The following DNAH6 variants were observed in gnomAD, a reference collection of about 807,000 sequenced individuals.
DNAH6 encodes the protein dynein axonemal heavy chain 6, also known as axonemal beta dynein heavy chain 6.
A neutral mutation model predicts 491.4 loss-of-function variants in DNAH6; 340 were observed. That is an observed-to-expected ratio of 0.69 (90% CI 0.63 to 0.76). DNAH6 has a LOEUF of 0.76. DNAH6 is among the 30% of genes least tolerant of loss of function. The pLI, the probability that DNAH6 is intolerant of heterozygous loss-of-function variation, is 0.00. For synonymous variants in DNAH6, 1,603 were observed against 1,686.1 expected (o/e 0.95, Z 1.21); for missense variants, 4,443 against 4,972.2 (o/e 0.89, Z 3.20).
At chr2:84,808,856 T>G (rs775912755) in intron 72 of DNAH6, among the ~76,000 whole-genome samples, 27 of 152,226 alleles carry the variant, frequency 1.8e-4, no homozygotes, top group African/African-American at 6.3e-4. Flanking sequence ...ATTCAGTGTT[T>G]GTTCCTAATG....
intron 9 of DNAH6, among the ~76,000 whole-genome samples, chr2:84,551,884 C>G (rs550374878): frequency 1.8e-4 from 27 of 152,080 alleles, no homozygotes; most frequent in Admixed American, 1.6e-3. Flanking sequence ...GCCATCTCTA[C>G]CAAAAATACA....
the DNAH6 span, among the ~76,000 whole-genome samples, chr2:84,503,997 T>G: frequency 1.3e-5 from 2 of 152,150 alleles, no homozygotes; most frequent in Admixed American, 6.5e-5. Flanking sequence ...TTTCTACCCA[T>G]ATCTCTTTCT....
intron 4 of DNAH6, among the ~76,000 whole-genome samples, chr2:84,533,637 CA>C (rs1336490359): frequency 1.3e-5 from 2 of 151,998 alleles, no homozygotes; most frequent in Non-Finnish European, 2.9e-5. Context: ...CATATCTATC[CA>C]AAAATCATAT....
rs374264044 is a variant in DNAH6 at position 84,772,725 on chromosome 2, G to C, written c.10704-8768G>C. On this transcript the variant is annotated intron_variant, in intron 64 of 76. Coordinates refer to ENST00000389394, the MANE Select transcript of DNAH6 (RefSeq NM_001370.2). ...AATTTCAATGTCCCATCTTTAATAA[G>C]GGATAGAACAATTACGAAAAATAAA... Among the ~76,000 whole-genome samples the C allele has an allele frequency of 2.6e-5, 4 of 151,998 alleles. No individual in the cohort carries two copies. The East Asian group carries it at 7.7e-4, about 29-fold the overall frequency.
intron 70 of DNAH6, among the ~76,000 whole-genome samples, chr2:84,801,336 C>A (rs1678893578): frequency 6.6e-6 from 1 of 151,208 alleles, no homozygotes; most frequent in Non-Finnish European, 1.5e-5. Context: ...GAATATTTCC[C>A]CAATCTCACT....
chr2:84,600,321 A>G (rs1318231821), intron 18 of DNAH6, among the ~76,000 whole-genome samples: 1 of 152,190 alleles, frequency 6.6e-6, no homozygotes, highest in Admixed American at 6.5e-5. Context: ...TTTTATTAAC[A>G]TATTACATTA....
chr2:84,594,181 T>G (rs767390146), intron 17 of DNAH6, 96 bp downstream of exon 17: 26 of 721,360 alleles, frequency 3.6e-5, no homozygotes, highest in Non-Finnish European at 5.7e-5. Flanking sequence ...AATCTGGTGC[T>G]TTTCTTAATG....
chr2:84,664,361 G>A (rs568871050), intron 37 of DNAH6, among the ~76,000 whole-genome samples: 11 of 152,196 alleles, frequency 7.2e-5, no homozygotes, highest in East Asian at 1.9e-4. Flanking sequence ...CCCATCTCAC[G>A]TGCAAAGACA....
chr2:84,773,209 C>A (rs1451279116), intron 64 of DNAH6, among the ~76,000 whole-genome samples: 1 of 151,970 alleles, frequency 6.6e-6, no homozygotes. Flanking sequence ...AGTTTTTCAA[C>A]CCTCTCTTCC....
chr2:84,615,593 G>A (rs182908672), intron 22 of DNAH6, among the ~76,000 whole-genome samples: 32 of 152,100 alleles, frequency 2.1e-4, no homozygotes, highest in Admixed American at 5.9e-4. Flanking sequence ...TTATTTTTAT[G>A]ACAATTGCAT....
intron 15 of DNAH6, among the ~76,000 whole-genome samples, chr2:84,588,352 C>T (rs2104094566): frequency 6.6e-6 from 1 of 152,230 alleles, no homozygotes; most frequent in East Asian, 1.9e-4. Context: ...CATTCCCATT[C>T]ACTGGGGTTT....
chr2:84,751,891 T>C (rs972290168), intron 63 of DNAH6, among the ~76,000 whole-genome samples: 5 of 152,254 alleles, frequency 3.3e-5, no homozygotes, highest in African/African-American at 1.2e-4. Context: ...ATGCTAATGC[T>C]GCGGATTTTG....
chr2:84,585,461 G>A (rs959209392), intron 15 of DNAH6, among the ~76,000 whole-genome samples: 9 of 152,144 alleles, frequency 5.9e-5, no homozygotes, highest in African/African-American at 1.9e-4. Context: ...AGAACAGCTC[G>A]GAGGAAATCC....
chr2:84,808,254 A>T (rs1455668511), intron 71 of DNAH6, among the ~76,000 whole-genome samples, 161 bp from the exon 72 acceptor site: 1 of 152,170 alleles, frequency 6.6e-6, no homozygotes, highest in African/African-American at 2.4e-5. Context: ...TCACAAAAGC[A>T]TTCTAAATTA....
chr2:84,815,886 T>G lies in DNAH6; in HGVS notation c.12176T>G (p.Leu4059Arg). 1 of 1,551,576 alleles carries G rather than the reference T, an allele frequency of 6.4e-7. No individual in the cohort carries two copies. The highest frequency in any genetic ancestry group is 1.2e-5 in the South Asian group (1 of 84,030). ...MELPSPEDGV[L>R]VHGMFMDASR... ...TTGCCCTCTCCTGAGGATGGTGTTCTTGTTCATGGGATGTTCATGGATGCT... is the reference window on the plus strand; with the variant it reads ...TTGCCCTCTCCTGAGGATGGTGTTCGTGTTCATGGGATGTTCATGGATGCT... The change falls in exon 76 of 77, where the codon CTT becomes CGT. Residue 4059 changes from leucine to arginine, a missense_variant. Around this residue, in one of 3 missense-constraint regions of DNAH6, gnomAD observed 1,463 missense variants for 1,656.6 expected, o/e 0.88. Coordinates refer to ENST00000389394, the MANE Select transcript of DNAH6 (RefSeq NM_001370.2).
intron 72 of DNAH6, among the ~76,000 whole-genome samples, chr2:84,811,515 C>T (rs574060578): frequency 6.6e-6 from 1 of 152,210 alleles, no homozygotes. Context: ...GAGGTGTTTC[C>T]AGTTCAAGGA....
At chr2:84,700,557 G>A (rs1207285713) in intron 48 of DNAH6, among the ~76,000 whole-genome samples, 1 of 152,072 alleles carries the variant, frequency 6.6e-6, no homozygotes, top group Non-Finnish European at 1.5e-5. Flanking sequence ...AGCATTTCTG[G>A]GCTGCACTAA....
chr2:84,718,483 G>A (rs1236922352), intron 59 of DNAH6, 99 bp downstream of exon 59: 8 of 947,944 alleles, frequency 8.4e-6, no homozygotes, highest in East Asian at 3.0e-5. Flanking sequence ...AGCAAGACGG[G>A]GGCCACACTG....
the DNAH6 span, among the ~76,000 whole-genome samples, chr2:84,460,449 A>G: frequency 2.0e-5 from 3 of 152,262 alleles, no homozygotes; most frequent in Admixed American, 2.0e-4. Context: ...TATTTTAAAT[A>G]GCAAAATTAT....
Sources: gnomAD v4.1 joint callset for allele counts (sites outside exome capture counted in the v4.1 genomes callset) on GRCh38, gnomAD v4.1.1 for gene constraint, gnomAD v4.1.1 regional missense constraint, MANE v1.5 for transcripts, NCBI Gene and HGNC (gene_info 2026-07-23, HGNC 2026-07-21) for gene names.